Variants in CAMKMT observed in about 807,000 individuals in gnomAD.
CAMKMT encodes CaM KMT.
In CAMKMT, 53 loss-of-function variants were observed where a neutral mutation model predicts 48.0. That is an observed-to-expected ratio of 1.10 (90% CI 0.89 to 1.39). CAMKMT has a LOEUF of 1.39. Ranked by LOEUF, CAMKMT falls within the 40% of genes most tolerant of loss-of-function variation. The pLI is 0.00. For missense variants in CAMKMT, 428 were observed against 402.7 expected, an observed-to-expected ratio of 1.06 and a Z score of -0.54; for synonymous variants, 165 against 152.3, an observed-to-expected ratio of 1.08 and a Z score of -0.61.
intron 3 of CAMKMT, among the ~76,000 whole-genome samples, chr2:44,585,960 C>G (rs150924912): frequency 8.8e-4 from 134 of 152,324 alleles, no homozygotes; most frequent in Admixed American, 3.1e-3. Context: ...AACTCTCAGA[C>G]TGTTCTAATT....
intron 3 of CAMKMT, among the ~76,000 whole-genome samples, chr2:44,561,505 A>G (rs886084326): frequency 1.3e-5 from 2 of 152,200 alleles, no homozygotes; most frequent in Non-Finnish European, 2.9e-5. Context: ...CGTTGCTTTC[A>G]CTTGGGATAA....
chr2:44,520,951 A>G (rs1268741085), intron 3 of CAMKMT, among the ~76,000 whole-genome samples: 1 of 152,238 alleles, frequency 6.6e-6, no homozygotes, highest in Non-Finnish European at 1.5e-5. Flanking sequence ...AGGTTTCCCC[A>G]GCCATGTGGA....
At chr2:44,725,517 G>A (rs184315967) in intron 7 of CAMKMT, among the ~76,000 whole-genome samples, 43 of 152,278 alleles carry the variant, frequency 2.8e-4, no homozygotes, top group East Asian at 1.9e-4. Flanking sequence ...CATGCTATGT[G>A]AGTATAAAGA....
chr2:44,594,053 A>T (rs28768693), intron 3 of CAMKMT, among the ~76,000 whole-genome samples: 5,625 of 151,914 alleles, frequency 0.037, 344 homozygotes, highest in African/African-American at 0.13. Flanking sequence ...GTGAGCCACC[A>T]TGCCTGGCAA....
chr2:44,747,563 A>T (rs1381808147), intron 8 of CAMKMT, among the ~76,000 whole-genome samples: 1 of 152,216 alleles, frequency 6.6e-6, no homozygotes, highest in Non-Finnish European at 1.5e-5. Context: ...CAGTTGGTAA[A>T]TACTGAAAGA....
Position 44,380,588 on chromosome 2 carries a change from A to G in CAMKMT, c.311+7700A>G, listed in dbSNP as rs2104385139. On this transcript the variant is annotated intron_variant, in intron 2 of 10. Coordinates refer to ENST00000378494, the MANE Select transcript of CAMKMT (RefSeq NM_024766.5). ...AGAACAGTCCTTAAGTTTGGAACAA[A>G]TGAAATGGAACTTGAAGTAACCAAA... 1.3e-5 allele frequency among the ~76,000 whole-genome samples: 2 copies of G among 152,350 alleles called. 1 individual carries two copies. Among genetic ancestry groups the G allele is most frequent in the South Asian group, 4.1e-4 (2 of 4,822 alleles).
intron 3 of CAMKMT, among the ~76,000 whole-genome samples, chr2:44,673,562 C>G (rs1018037044): frequency 2.6e-5 from 4 of 151,320 alleles, no homozygotes; most frequent in South Asian, 4.2e-4. Flanking sequence ...ACCTAAACAT[C>G]ATCCCTGATG....
intron 3 of CAMKMT, among the ~76,000 whole-genome samples, chr2:44,454,714 T>C (rs897012773): frequency 6.6e-5 from 10 of 152,112 alleles, no homozygotes; most frequent in Non-Finnish European, 1.3e-4. Context: ...AAACCTAATA[T>C]AGCAATGAAT....
At chr2:44,610,092 ACC>A (rs1479747106) in intron 3 of CAMKMT, among the ~76,000 whole-genome samples, 1 of 152,186 alleles carries the variant, frequency 6.6e-6, no homozygotes, top group Non-Finnish European at 1.5e-5. Flanking sequence ...TATATTATAT[ACC>A]TTGATTATTA....
chr2:44,527,792 C>CCA (rs1429007756), intron 3 of CAMKMT, among the ~76,000 whole-genome samples: 23 of 134,626 alleles, frequency 1.7e-4, no homozygotes, highest in Middle Eastern at 3.7e-3. Flanking sequence ...ACAGCCCCCC[C>CCA]CCCCATTATC....
At chr2:44,747,078 G>T (rs1384433023) in intron 8 of CAMKMT, among the ~76,000 whole-genome samples, 1 of 152,098 alleles carries the variant, frequency 6.6e-6, no homozygotes, top group African/African-American at 2.4e-5. Context: ...CATTGAGCTG[G>T]GTATGCAGGA....
In CAMKMT at chr2:44,387,327, A is replaced by G. The variant is rs1283049265; in HGVS notation, c.312-2914A>G. Among the ~76,000 whole-genome samples, 3 of 151,810 alleles carry G rather than the reference A, an allele frequency of 2.0e-5. No homozygotes were observed. In the East Asian group the frequency reaches 5.8e-4, roughly 29 times the overall value. ...AAGGTTTGTTTTGTCTGATATAAGA[A>G]TAGCTACGCCTGCTAGTTTTTGGTA... On this transcript the variant is annotated intron_variant, in intron 2 of 10. Coordinates refer to ENST00000378494, the MANE Select transcript of CAMKMT (RefSeq NM_024766.5).
At chr2:44,456,844 A>C (rs1385913182) in intron 3 of CAMKMT, 2 of 436,426 alleles carry the variant, frequency 4.6e-6, no homozygotes, top group Non-Finnish European at 8.1e-6. Flanking sequence ...TATGTTTTCT[A>C]CAAAGCTAGT....
intron 1 of CAMKMT, chr2:44,369,674 A>G (rs1678963592): frequency 6.6e-6 from 1 of 152,218 alleles, no homozygotes; most frequent in Admixed American, 6.5e-5. Context: ...CTGCTGTGCC[A>G]TAACTATAGA....
intron 2 of CAMKMT, among the ~76,000 whole-genome samples, chr2:44,383,227 T>C (rs1242584480): frequency 6.6e-6 from 1 of 151,980 alleles, no homozygotes; most frequent in Non-Finnish European, 1.5e-5. Context: ...TGCAGTGGCG[T>C]GATCTCAGCT....
chr2:44,587,862 C>T (rs1368533180), intron 3 of CAMKMT, among the ~76,000 whole-genome samples: 102 of 127,458 alleles, frequency 8.0e-4, no homozygotes, highest in Non-Finnish European at 1.4e-3. Context: ...CCTTGGCCCC[C>T]CAAAGTGCCG....
At chr2:44,684,417 T>C (rs1573071265) in intron 3 of CAMKMT, among the ~76,000 whole-genome samples, 1 of 151,954 alleles carries the variant, frequency 6.6e-6, no homozygotes, top group East Asian at 1.9e-4. Context: ...TCTCGAGGAG[T>C]TGTGATTCTA....
chr2:44,425,386 T>G (rs1475697998), intron 3 of CAMKMT, among the ~76,000 whole-genome samples: 2 of 152,070 alleles, frequency 1.3e-5, no homozygotes, highest in Non-Finnish European at 2.9e-5. Context: ...ATATCATGGC[T>G]AAAAGAAGAG....
chr2:44,767,369 C>T (rs987942231), intron 10 of CAMKMT, among the ~76,000 whole-genome samples: 1 of 152,176 alleles, frequency 6.6e-6, no homozygotes, highest in African/African-American at 2.4e-5. Context: ...GTTGTAACTG[C>T]AGAAAAATAA....
Sources: allele counts gnomAD v4.1 joint callset (sites outside exome capture counted in the v4.1 genomes callset), GRCh38; gene constraint gnomAD v4.1.1; transcripts MANE v1.5; gene names NCBI Gene and HGNC (gene_info 2026-07-23, HGNC 2026-07-21).